Variants in DPP10 observed in about 807,000 individuals in gnomAD.
The protein encoded by DPP10 is dipeptidyl peptidase like 10.
DPP10 carries 33 observed loss-of-function variants against 120.9 expected under a neutral mutation model. The ratio of observed to expected loss-of-function variants is 0.27; its 90% CI spans 0.21 to 0.37. The LOEUF (loss-of-function observed/expected upper bound fraction) is 0.37. Among genes scored for constraint, DPP10 ranks in the 10% least tolerant of loss-of-function variants. DPP10 has a pLI of 1.00. For synonymous variants in DPP10, 337 were observed against 326.1 expected (o/e 1.03, Z -0.36); for missense variants, 816 against 942.8 (o/e 0.87, Z 1.76).
At chr2:114,607,962 T>G (rs1247087397) in intron 1 of DPP10, among the ~76,000 whole-genome samples, 3 of 152,198 alleles carry the variant, frequency 2.0e-5, no homozygotes, top group African/African-American at 7.2e-5. Flanking sequence ...TATTCCTTTA[T>G]GTATTATGAC....
At chr2:114,540,824 C>A (rs1456353579) in intron 1 of DPP10, among the ~76,000 whole-genome samples, 4 of 152,148 alleles carry the variant, frequency 2.6e-5, no homozygotes, top group Non-Finnish European at 5.9e-5. Context: ...GCCTCCTGCT[C>A]CCCACTCCTA....
chr2:115,283,677 A>G (rs1031804975), intron 1 of DPP10, among the ~76,000 whole-genome samples: 7 of 152,174 alleles, frequency 4.6e-5, no homozygotes, highest in East Asian at 1.9e-4. Context: ...TTATTTTCCA[A>G]TCATTCTGGC....
intron 1 of DPP10, among the ~76,000 whole-genome samples, chr2:115,272,728 C>A (rs1680056528): frequency 6.6e-6 from 1 of 152,260 alleles, no homozygotes; most frequent in African/African-American, 2.4e-5. Context: ...TTCTGCCTCC[C>A]ACTCACACCT....
At position 114,882,415 on chromosome 2, in the gene DPP10, A is replaced by G. The variant is rs1443834236; in HGVS notation, c.61-426824A>G. On this transcript the variant is annotated intron_variant, in intron 1 of 25. Transcript: ENST00000410059. Reference sequence around the variant, plus strand: ...GTGAAATAACTCAGGAATAGAAAACAAAGTAGTGTATATTCTCACTTATAA... The same window carrying G: ...GTGAAATAACTCAGGAATAGAAAACGAAGTAGTGTATATTCTCACTTATAA... Among the ~76,000 whole-genome samples the G allele has an allele frequency of 2.6e-5, 4 of 152,094 alleles. No homozygotes were observed. In the South Asian group the frequency reaches 8.3e-4, roughly 32 times the overall value.
At chr2:114,843,892 G>T (rs72961638) in intron 1 of DPP10, among the ~76,000 whole-genome samples, 4 of 151,916 alleles carry the variant, frequency 2.6e-5, no homozygotes, top group Admixed American at 2.6e-4. Flanking sequence ...TCATAAATTT[G>T]TTGTTCTTAA....
intron 5 of DPP10, among the ~76,000 whole-genome samples, chr2:115,632,815 A>C (rs899934902): frequency 3.9e-5 from 6 of 152,178 alleles, no homozygotes; most frequent in African/African-American, 9.7e-5. Context: ...ATGCAGCCAA[A>C]AGACACATGA....
chr2:115,452,684 C>T (rs1212198434), intron 3 of DPP10, among the ~76,000 whole-genome samples: 1 of 151,870 alleles, frequency 6.6e-6, no homozygotes. Flanking sequence ...TTAACTTTTA[C>T]ATGTCATATG....
chr2:114,939,783 C>T (rs895400050), intron 1 of DPP10, among the ~76,000 whole-genome samples: 22 of 152,126 alleles, frequency 1.4e-4, no homozygotes, highest in African/African-American at 5.3e-4. Context: ...CTCACCCTGT[C>T]TGCTTAGAGG....
chr2:115,056,808 A>C (rs1705957628), intron 1 of DPP10, among the ~76,000 whole-genome samples: 1 of 152,244 alleles, frequency 6.6e-6, no homozygotes, highest in Admixed American at 6.5e-5. Context: ...CAAAAGAAAC[A>C]AATATGGGGA....
intron 3 of DPP10, among the ~76,000 whole-genome samples, chr2:115,402,891 GTATA>G (rs369615095): frequency 8.0e-6 from 1 of 124,638 alleles, no homozygotes; most frequent in Non-Finnish European, 1.6e-5. Flanking sequence ...GTGTGTGTGT[GTATA>G]TATATATGTA....
At chr2:114,622,381 T>C (rs973511572) in intron 1 of DPP10, among the ~76,000 whole-genome samples, 10 of 151,792 alleles carry the variant, frequency 6.6e-5, no homozygotes, top group African/African-American at 2.4e-4. Context: ...TCTGTCCATC[T>C]ATCCATCCAT....
intron 2 of DPP10, among the ~76,000 whole-genome samples, chr2:115,327,988 C>T (rs1009629432): frequency 2.0e-5 from 3 of 151,964 alleles, no homozygotes; most frequent in South Asian, 2.1e-4. Context: ...ATAATGTCTT[C>T]GTGTTATTAT....
Position 115,204,614 on chromosome 2 carries a change from T to G in DPP10, c.61-104625T>G, listed in dbSNP as rs573620880. Among the ~76,000 whole-genome samples, 13 of 152,260 alleles carry G rather than the reference T, an allele frequency of 8.5e-5. No homozygotes were observed. In the South Asian group the frequency reaches 1.9e-3, roughly 22 times the overall value. On this transcript the variant is annotated intron_variant, in intron 1 of 25. Transcript: ENST00000410059. ...GGCTCAGGGAAATGGCCTCTGTGGA[T>G]GAAAACTTTAGGTTTTGTTCCTGGC...
At chr2:115,026,703 A>G (rs113142683) in intron 1 of DPP10, among the ~76,000 whole-genome samples, 135 of 151,964 alleles carry the variant, frequency 8.9e-4, no homozygotes, top group African/African-American at 3.1e-3. Context: ...TGCCTGGCTA[A>G]TTTTTGTAAT....
intron 3 of DPP10, among the ~76,000 whole-genome samples, chr2:115,449,746 G>T (rs697826): frequency 0.26 from 40,276 of 152,004 alleles, 6,380 homozygotes; most frequent in East Asian, 0.41. Flanking sequence ...CCACACTGCT[G>T]TAAAGGTGAA....
intron 1 of DPP10, among the ~76,000 whole-genome samples, chr2:115,158,241 A>G (rs1447363532): frequency 6.6e-6 from 1 of 152,232 alleles, no homozygotes; most frequent in Non-Finnish European, 1.5e-5. Context: ...AAACACTATA[A>G]CGATAATCTT....
chr2:115,072,480 G>A (rs531694578), intron 1 of DPP10, among the ~76,000 whole-genome samples: 1 of 152,232 alleles, frequency 6.6e-6, no homozygotes, highest in Non-Finnish European at 1.5e-5. Context: ...ATTCAACATC[G>A]TTGCACTGAC....
chr2:115,041,132 A>G (rs1016604347), intron 1 of DPP10, among the ~76,000 whole-genome samples: 28 of 151,866 alleles, frequency 1.8e-4, no homozygotes, highest in Admixed American at 1.4e-3. Context: ...AAAAAAAAAA[A>G]AAAAAAGTTT....
At chr2:115,151,414 C>CTTTT (rs35551255) in intron 1 of DPP10, among the ~76,000 whole-genome samples, 1 of 141,156 alleles carries the variant, frequency 7.1e-6, no homozygotes, top group African/African-American at 2.6e-5. Context: ...CTTTCTTATA[C>CTTTT]TTTTTTTTTT....
Sources: allele counts gnomAD v4.1 joint callset (sites outside exome capture counted in the v4.1 genomes callset), GRCh38; gene constraint gnomAD v4.1.1; transcripts MANE v1.5; gene names NCBI Gene and HGNC (gene_info 2026-07-23, HGNC 2026-07-21).